Variants in ZNF521 observed in about 807,000 individuals in gnomAD.
The protein encoded by ZNF521 is zinc finger protein 521.
Under a neutral mutation model 105.5 loss-of-function variants are expected in ZNF521, and 14 were observed. That is an observed-to-expected ratio of 0.13 (90% CI 0.09 to 0.21). ZNF521 has a LOEUF of 0.21. Ranked by LOEUF, ZNF521 falls within the 10% of genes least tolerant of loss-of-function variation. ZNF521 has a pLI of 1.00. For missense variants in ZNF521, 1,233 were observed against 1,629.7 expected, an observed-to-expected ratio of 0.76 and a Z score of 4.19; for synonymous variants, 635 against 606.0, an observed-to-expected ratio of 1.05 and a Z score of -0.70.
chr18:25,177,769 A>G (rs1442253438), intron 5 of ZNF521, among the ~76,000 whole-genome samples: 1 of 152,252 alleles, frequency 6.6e-6, no homozygotes, highest in South Asian at 2.1e-4. Flanking sequence ...ACAAGGATGC[A>G]TCATCATAAT....
chr18:25,217,354 T>C (rs1454813595), intron 4 of ZNF521, among the ~76,000 whole-genome samples: 4 of 152,162 alleles, frequency 2.6e-5, no homozygotes, highest in African/African-American at 9.7e-5. Context: ...AGATACTTAT[T>C]GGAGGTGGAA....
In ZNF521 at chr18:25,104,831, T is replaced by C. The variant is rs111379190; in HGVS notation, c.3659-12750A>G. On this transcript the variant is annotated intron_variant, in intron 5 of 7. Coordinates refer to ENST00000361524, the MANE Select transcript of ZNF521 (RefSeq NM_015461.3). ...AATAGAGATTAGCATGGTATGAATG[T>C]GCAGAAAATAAAAAAGTGAATACAT... 4.6e-5 allele frequency among the ~76,000 whole-genome samples: 7 copies of C among 152,268 alleles called. 1 individual carries two copies. Among genetic ancestry groups the C allele is most frequent in the African/African-American group, 1.7e-4 (7 of 41,566 alleles).
At chr18:25,212,711 C>G (rs1041922272) in intron 4 of ZNF521, among the ~76,000 whole-genome samples, 1 of 150,508 alleles carries the variant, frequency 6.6e-6, no homozygotes, top group African/African-American at 2.4e-5. Context: ...ATCATTTATT[C>G]AAGTCTTTTA....
At chr18:25,255,257 T>C (rs1327222917) in intron 3 of ZNF521, among the ~76,000 whole-genome samples, 1 of 152,142 alleles carries the variant, frequency 6.6e-6, no homozygotes, top group African/African-American at 2.4e-5. Context: ...TTTTTACAAT[T>C]ATTATTGTTA....
chr18:25,344,649 C>G (rs1328776747), intron 2 of ZNF521, among the ~76,000 whole-genome samples: 2 of 152,192 alleles, frequency 1.3e-5, no homozygotes, highest in Non-Finnish European at 2.9e-5. Flanking sequence ...ACAGGTTTGA[C>G]GTGGAATATC....
At chr18:25,328,904 G>A (rs1482698339) in intron 2 of ZNF521, among the ~76,000 whole-genome samples, 1 of 152,198 alleles carries the variant, frequency 6.6e-6, no homozygotes, top group Non-Finnish European at 1.5e-5. Flanking sequence ...CACAATGGAA[G>A]AAAGCAACTT....
intron 5 of ZNF521, among the ~76,000 whole-genome samples, chr18:25,180,576 A>C (rs1056271148): frequency 3.3e-5 from 5 of 152,138 alleles, no homozygotes; most frequent in Admixed American, 3.3e-4. Context: ...ATCTATCATA[A>C]GTGCAGAGAA....
At chr18:25,250,351 C>A (rs1186641117) in intron 3 of ZNF521, among the ~76,000 whole-genome samples, 1 of 152,142 alleles carries the variant, frequency 6.6e-6, no homozygotes, top group African/African-American at 2.4e-5. Flanking sequence ...AGCAATTATC[C>A]AATACCAGAT....
intron 1 of ZNF521, 140 bp from the exon 2 acceptor site, chr18:25,351,087 CGCTCCG>C: frequency 7.4e-6 from 3 of 407,434 alleles, no homozygotes; most frequent in Non-Finnish European, 1.0e-5. Context: ...CTCCGCTCCT[CGCTCCG>C]GCTCCGGCTC....
chr18:25,275,109 A>T (rs1350472609), intron 3 of ZNF521, among the ~76,000 whole-genome samples: 1 of 152,220 alleles, frequency 6.6e-6, no homozygotes, highest in African/African-American at 2.4e-5. Flanking sequence ...GCAAACACTC[A>T]ATCATCAAGG....
intron 5 of ZNF521, among the ~76,000 whole-genome samples, chr18:25,099,439 GCTGT>G (rs888422233): frequency 5.1e-4 from 78 of 152,136 alleles, no homozygotes; most frequent in African/African-American, 1.9e-3. Flanking sequence ...TAACAAAGTA[GCTGT>G]CTAATTTGCC....
intron 3 of ZNF521, among the ~76,000 whole-genome samples, chr18:25,232,096 T>A (rs1424712743): frequency 6.6e-6 from 1 of 152,202 alleles, no homozygotes. Context: ...AGGATTTACA[T>A]CAATGGTTAC....
intron 5 of ZNF521, among the ~76,000 whole-genome samples, chr18:25,114,244 G>A (rs1449773615): frequency 6.6e-6 from 1 of 152,182 alleles, no homozygotes; most frequent in Non-Finnish European, 1.5e-5. Flanking sequence ...GATATCCACA[G>A]TGCAAACCTT....
chr18:25,144,774 T>C (rs2034911943), intron 5 of ZNF521, among the ~76,000 whole-genome samples: 1 of 152,200 alleles, frequency 6.6e-6, no homozygotes, highest in African/African-American at 2.4e-5. Context: ...TCTTCACATT[T>C]TTAAAGTTAG....
At chr18:25,161,825 C>T (rs1275102159) in intron 5 of ZNF521, among the ~76,000 whole-genome samples, 3 of 152,124 alleles carry the variant, frequency 2.0e-5, no homozygotes. Flanking sequence ...CAGGGCACTG[C>T]AATCTTTTTG....
intron 3 of ZNF521, among the ~76,000 whole-genome samples, chr18:25,263,358 T>A (rs1909040940): frequency 6.6e-6 from 1 of 150,584 alleles, no homozygotes; most frequent in Admixed American, 6.6e-5. Flanking sequence ...ATAACTTGCT[T>A]TTTTTTTTGT....
intron 3 of ZNF521, among the ~76,000 whole-genome samples, chr18:25,267,466 C>T (rs1166146956): frequency 6.6e-6 from 1 of 152,156 alleles, no homozygotes; most frequent in Non-Finnish European, 1.5e-5. Flanking sequence ...TCCCTGACCC[C>T]TGTGTATCCT....
chr18:25,176,538 C>T (rs961919384), intron 5 of ZNF521, among the ~76,000 whole-genome samples: 6 of 152,156 alleles, frequency 3.9e-5, no homozygotes, highest in African/African-American at 1.2e-4. Context: ...TTATTTTGTG[C>T]CTCCTCTGCT....
chr18:25,275,751 G>A (rs1909989444), intron 3 of ZNF521, among the ~76,000 whole-genome samples: 1 of 152,202 alleles, frequency 6.6e-6, no homozygotes, highest in Admixed American at 6.5e-5. Context: ...AGGTCACAGG[G>A]CTAGACTGAC....
Sources: allele counts gnomAD v4.1 joint callset (sites outside exome capture counted in the v4.1 genomes callset), GRCh38; gene constraint gnomAD v4.1.1; transcripts MANE v1.5; gene names NCBI Gene and HGNC (gene_info 2026-07-23, HGNC 2026-07-21).